AIFM3: variants seen among roughly 807,000 people sequenced by gnomAD.
AIFM3 encodes the protein AIF family member 3, also known as apoptosis-inducing factor 3.
In AIFM3, 71 loss-of-function variants were observed where a neutral mutation model predicts 82.7. The ratio of observed to expected loss-of-function variants is 0.86; its 90% CI spans 0.71 to 1.05. AIFM3 has a LOEUF of 1.05. AIFM3 is among the 50% of genes least tolerant of loss of function. AIFM3 has a pLI of 0.00. For synonymous variants in AIFM3, 337 were observed against 329.1 expected, an observed-to-expected ratio of 1.02 and a Z score of -0.26; for missense variants, 748 against 816.7, an observed-to-expected ratio of 0.92 and a Z score of 1.03.
chr22:20,981,200 C>T lies in AIFM3; in HGVS notation c.*169C>T. The T allele has an allele frequency of 1.2e-6, 1 of 864,418 alleles. No homozygotes were observed. The allele number at this position is 864,418 out of a possible 1,614,324, so 53.5% of individuals were successfully genotyped here. ...CCCTCCTGGGAGGCCTCTGCTGGAT[C>T]CAGAAGATGCTCAACCCTCAAGGCC... On this transcript the variant is annotated 3_prime_UTR_variant, in exon 21 of 21. Coordinates refer to ENST00000440238, the MANE Select transcript of AIFM3 (RefSeq NM_001386814.1).
chr22:20,980,522 G>C, intron 19 of AIFM3: 1 of 626,568 alleles, frequency 1.6e-6, no homozygotes. Context: ...GTGGTTCTAG[G>C]TTTCACTCAA....
In AIFM3 at chr22:20,980,734, T is replaced by C; in HGVS notation, c.1758-13T>C. The C allele has an allele frequency of 6.2e-7, 1 of 1,614,184 alleles. No homozygotes were observed. The highest frequency in any genetic ancestry group is 1.1e-5 in the South Asian group (1 of 91,082). ...TGGCCTTCTCTCCGTTTCTCTCTCT[T>C]GCCTTCGTGAAGGCTGTTTGTGCTG... On this transcript the variant is annotated splice_polypyrimidine_tract_variant and intron_variant, in intron 19 of 20. Transcript: ENST00000440238.
chr22:20,971,644 G>T (rs372315636), intron 2 of AIFM3, among the ~76,000 whole-genome samples: 1 of 152,184 alleles, frequency 6.6e-6, no homozygotes, highest in African/African-American at 2.4e-5. Flanking sequence ...GAGGTGGAAG[G>T]GATGAGAGGT....
At position 20,967,987 on chromosome 22, in the gene AIFM3, C is replaced by G; in HGVS notation, c.31+12C>G. ...CAAACCCAAACCAGGTACCTCCTGT[C>G]TTCTTGTCTCCATCCTTTCTCCTCC... is the stretch of plus-strand genomic sequence containing the variant. On this transcript the variant is annotated intron_variant, in intron 2 of 20. Transcript: ENST00000440238. 6.2e-7 allele frequency: 1 copy of G among 1,613,786 alleles called. No homozygotes were observed. The highest frequency in any genetic ancestry group is 1.1e-5 in the South Asian group (1 of 91,048).
Position 20,979,685 on chromosome 22 carries a change from T to G in AIFM3, c.1635T>G (p.Phe545Leu). 1 of 1,614,188 alleles carries G rather than the reference T, an allele frequency of 6.2e-7. No homozygotes were observed. Among genetic ancestry groups the G allele is most frequent in the Non-Finnish European group, 8.5e-7 (1 of 1,180,030 alleles). ...IIQGDLEELKFVAFYTKGDEV... is the reference protein window; with the variant it reads ...IIQGDLEELKLVAFYTKGDEV... ...AGGGGGATCTGGAGGAGCTGAAGTT[T>G]GTGGCTTTTTACACTAAGTGAGAGC... The change falls in exon 18 of 21, where the codon TTT (phenylalanine) becomes TTG (leucine). Residue 545 changes from phenylalanine to leucine, a missense_variant. This residue lies in a region of AIFM3 where 183 missense variants were observed against 158.2 expected (regional missense o/e 1.16). Coordinates refer to ENST00000440238, the MANE Select transcript of AIFM3 (RefSeq NM_001386814.1).
chr22:20,975,872 T>A, intron 9 of AIFM3, 94 bp downstream of exon 9: 1 of 1,405,336 alleles, frequency 7.1e-7, no homozygotes, highest in Non-Finnish European at 9.9e-7. Context: ...GTGCTCTACC[T>A]TCCTGGCCCC....
intron 18 of AIFM3, 95 bp from the exon 19 acceptor site, chr22:20,979,925 C>T (rs1923976374): frequency 7.8e-7 from 1 of 1,276,432 alleles, no homozygotes; most frequent in African/African-American, 1.5e-5. Flanking sequence ...GGGGTAGGTC[C>T]TTCCCTGGGC....
In AIFM3 at chr22:20,981,229, G is replaced by A. The variant is rs1924098980; in HGVS notation, c.*198G>A. On this transcript the variant is annotated 3_prime_UTR_variant, in exon 21 of 21. Coordinates refer to ENST00000440238, the MANE Select transcript of AIFM3 (RefSeq NM_001386814.1). The stretch of plus-strand genomic sequence containing the variant: ...AAGATGCTCAACCCTCAAGGCCTCT[G>A]CTGCCACTGACAGCTGGCACTGGAG... 1 of 666,072 alleles carries A rather than the reference G, an allele frequency of 1.5e-6. No individual in the cohort carries two copies. The highest frequency in any genetic ancestry group is 2.5e-6 in the Non-Finnish European group (1 of 395,832). 41.3% of individuals were successfully genotyped at this position (666,072 alleles called of 1,614,324 possible).
intron 19 of AIFM3, chr22:20,980,480 C>T (rs1034138415): frequency 1.6e-4 from 93 of 599,904 alleles, no homozygotes; most frequent in Admixed American, 2.6e-4. Flanking sequence ...GCTACTGATG[C>T]CCTGGGTATG....
chr22:20,979,932 G>A lies in AIFM3; in HGVS notation c.1653-88G>A, dbSNP rs1282038644. 13 of 1,323,302 alleles carry A rather than the reference G, an allele frequency of 9.8e-6. No individual in the cohort carries two copies. The East Asian group carries it at 2.5e-4, about 25-fold the overall frequency. The allele number at this position is 1,323,302 out of a possible 1,614,324, so 82.0% of individuals were successfully genotyped here. A position where few individuals can be genotyped will look rare whatever the true frequency, so the allele number is the denominator to read the frequency against. ...GTTGCCCTGGGGTAGGTCCTTCCCT[G>A]GGCCCCAGATGGACAGCAGTGCATC... On this transcript the variant is annotated intron_variant, in intron 18 of 20. Coordinates refer to ENST00000440238, the MANE Select transcript of AIFM3 (RefSeq NM_001386814.1).
rs769632815 is a variant in AIFM3 at position 20,974,759 on chromosome 22, G to A, written c.663G>A (p.Arg221=). 1 of 1,613,732 alleles carries A rather than the reference G, an allele frequency of 6.2e-7. No individual in the cohort carries two copies. Residue 221 remains arginine (R), a synonymous_variant, in exon 8 of 21, where the codon CGG becomes CGA. Coordinates refer to ENST00000440238, the MANE Select transcript of AIFM3 (RefSeq NM_001386814.1). ...TGCGGCAGGAGGGCTTCTCCGACCG[G>A]ATCGTCCTGTGCACGCTAGACCGGC... ...ETLRQEGFSD[R]IVLCTLDRHL...
rs55884200 is a variant in AIFM3 at position 20,971,972 on chromosome 22, G to C, written c.32-1335G>C. On this transcript the variant is annotated intron_variant, in intron 2 of 20. Transcript: ENST00000440238. ...TGGCTCTGTATGGAGGCTGTGGGGG[G>C]GGGGGGCTGTGCCCCCTCTGTGCCA... Among the ~76,000 whole-genome samples, 660 of 152,238 alleles carry C rather than the reference G, an allele frequency of 4.3e-3. 4 individuals are homozygous for C. The highest frequency in any genetic ancestry group is 0.015 in the African/African-American group (621 of 41,540).
In AIFM3 at chr22:20,976,926, C is replaced by G; in HGVS notation, c.1206C>G (p.Gly402=). 1 of 1,611,004 alleles carries G rather than the reference C, an allele frequency of 6.2e-7. No homozygotes were observed. The change falls in exon 13 of 21, where the codon GGC becomes GGG. Residue 402 remains glycine (G), a synonymous_variant. Coordinates refer to ENST00000440238, the MANE Select transcript of AIFM3 (RefSeq NM_001386814.1). The part of the protein sequence containing the change: ...YMQTEVSELR[G]QEGKLKEVVL... The stretch of plus-strand genomic sequence containing the variant: ...AGACGGAGGTGTCTGAGCTGCGGGG[C>G]CAGGAGGGAAAGGTGGGCCCTTCTC...
At chr22:20,969,485 A>T (rs890088469) in intron 2 of AIFM3, among the ~76,000 whole-genome samples, 1 of 151,854 alleles carries the variant, frequency 6.6e-6, no homozygotes, top group African/African-American at 2.4e-5. Flanking sequence ...GCTGGAGTGC[A>T]GTGGCGTGAT....
At chr22:20,975,820 T>TGGGGA in intron 9 of AIFM3, 42 bp downstream of exon 9, 1 of 1,599,894 alleles carries the variant, frequency 6.3e-7, no homozygotes, top group Non-Finnish European at 8.5e-7. Flanking sequence ...GGAGGGAAGG[T>TGGGGA]GGGAACCGTG....
At position 20,981,220 on chromosome 22, in the gene AIFM3, A is replaced by C; in HGVS notation, c.*189A>C. ...TGGATCCAGAAGATGCTCAACCCTC[A>C]AGGCCTCTGCTGCCACTGACAGCTG... On this transcript the variant is annotated 3_prime_UTR_variant, in exon 21 of 21. Coordinates refer to ENST00000440238, the MANE Select transcript of AIFM3 (RefSeq NM_001386814.1). 1 of 708,596 alleles carries C rather than the reference A, an allele frequency of 1.4e-6. No individual in the cohort carries two copies. The highest frequency in any genetic ancestry group is 2.3e-6 in the Non-Finnish European group (1 of 431,940). The allele number at this position is 708,596 out of a possible 1,614,324, so 43.9% of individuals were successfully genotyped here.
At chr22:20,968,535 C>A (rs1923063952) in intron 2 of AIFM3, among the ~76,000 whole-genome samples, 1 of 152,080 alleles carries the variant, frequency 6.6e-6, no homozygotes, top group Non-Finnish European at 1.5e-5. Flanking sequence ...CCCATTTATA[C>A]AGGAAATCAC....
At chr22:20,980,641 G>C in intron 19 of AIFM3, 106 bp from the exon 20 acceptor site, 1 of 1,491,868 alleles carries the variant, frequency 6.7e-7, no homozygotes, top group Non-Finnish European at 9.3e-7. Flanking sequence ...CTATGAGACA[G>C]GGGCAGGCTT....
intron 17 of AIFM3, 86 bp from the exon 18 acceptor site, chr22:20,979,541 G>A (rs763761202): frequency 3.6e-4 from 550 of 1,542,090 alleles, no homozygotes; most frequent in Non-Finnish European, 4.8e-4. Context: ...ATGGAGCAGG[G>A]CCTGGGCGGG....
Sources: gnomAD v4.1 joint callset for allele counts (sites outside exome capture counted in the v4.1 genomes callset) on GRCh38, gnomAD v4.1.1 for gene constraint, gnomAD v4.1.1 regional missense constraint, MANE v1.5 for transcripts, NCBI Gene and HGNC (gene_info 2026-07-23, HGNC 2026-07-21) for gene names.